The following PTGIR variants were observed in gnomAD, a reference collection of about 807,000 sequenced individuals.
PTGIR encodes prostaglandin I2 receptor.
PTGIR carries 16 observed loss-of-function variants against 17.6 expected under a neutral mutation model. That is an observed-to-expected ratio of 0.91 (90% CI 0.61 to 1.38). PTGIR has a LOEUF of 1.38. Among genes scored for constraint, PTGIR ranks in the 40% most tolerant of loss-of-function variants. PTGIR has a pLI of 0.00. For synonymous variants in PTGIR, 274 were observed against 255.4 expected (o/e 1.07, Z -0.69); for missense variants, 532 against 548.6 (o/e 0.97, Z 0.30).
In PTGIR at chr19:46,623,620, G is replaced by A. The variant is rs200567856; in HGVS notation, c.606C>T (p.Cys202=). ...AGAGGCTGAGGGTGACCGAGCCGTT[G>A]CAGAGGAAGATGGCAGCCACCAGCA... ...VALLVAAIFL[C]NGSVTLSLCR... The change falls in exon 2 of 3, where the codon TGC becomes TGT. Residue 202 remains cysteine (C), a synonymous_variant. Coordinates refer to ENST00000291294, the MANE Select transcript of PTGIR (RefSeq NM_000960.4). 1.3e-6 allele frequency: 2 copies of A among 1,549,794 alleles called. No individual in the cohort carries two copies. The highest frequency in any genetic ancestry group is 2.4e-5 in the East Asian group (1 of 41,168).
chr19:46,618,235 C>T (rs1971991581), downstream of PTGIR, among the ~76,000 whole-genome samples: 1 of 152,132 alleles, frequency 6.6e-6, no homozygotes, highest in South Asian at 2.1e-4. Flanking sequence ...AGGATGGTCT[C>T]TATCTCCTGA....
intron 1 of PTGIR, 41 bp from the exon 2 acceptor site, chr19:46,624,278 C>G (rs2052776308): frequency 7.1e-7 from 1 of 1,409,230 alleles, no homozygotes; most frequent in Non-Finnish European, 9.2e-7. Flanking sequence ...GGAGCCAGGG[C>G]TACCCCCACC....
intron 2 of PTGIR, chr19:46,623,095 G>C (rs11667255): frequency 0.41 from 66,582 of 164,150 alleles, 13,766 homozygotes; most frequent in Middle Eastern, 0.51. Context: ...GATTCTCCTG[G>C]CTCAGCCTCC....
Position 46,621,873 on chromosome 19 carries a change from G to C in PTGIR, c.769-201C>G. The C allele has an allele frequency of 7.3e-7, 1 of 1,362,660 alleles. No individual in the cohort carries two copies. Among genetic ancestry groups the C allele is most frequent in the African/African-American group, 1.5e-5 (1 of 68,254 alleles). The allele number at this position is 1,362,660 out of a possible 1,614,324, so 84.4% of individuals were successfully genotyped here. A position where few individuals can be genotyped will look rare whatever the true frequency, so the allele number is the denominator to read the frequency against. ...CAGGAAATTGCCAGAGATGCCTAAGGGGAGAGGGATGGGGGCCAGGTATGT... is the reference window on the plus strand; with the variant it reads ...CAGGAAATTGCCAGAGATGCCTAAGCGGAGAGGGATGGGGGCCAGGTATGT... On this transcript the variant is annotated intron_variant, in intron 2 of 2. Transcript: ENST00000291294. This position sits in a 1 kb window ranked among gnomAD's most constrained non-coding sequence, Gnocchi z 4.8.
At position 46,623,831 on chromosome 19, in the gene PTGIR, C is replaced by T. The variant is rs2052764268; in HGVS notation, c.395G>A (p.Gly132Glu). 6.2e-7 allele frequency: 1 copy of T among 1,607,420 alleles called. No individual in the cohort carries two copies. Among genetic ancestry groups the T allele is most frequent in the African/African-American group, 1.3e-5 (1 of 74,858 alleles). Residue 132 changes from glycine to glutamate, a missense_variant, in exon 2 of 3, where the codon GGG becomes GAG. Physicochemically the swap from Gly to Glu is moderately conservative, Grantham distance 98. Coordinates refer to ENST00000291294, the MANE Select transcript of PTGIR (RefSeq NM_000960.4). ...CAGCGCCAGGCGGGCGCAGCGGGGC[C>T]CGTCCAGCTGCGCGTAGAGGTAGGG... Reference protein sequence around the residue: ...SHPYLYAQLDGPRCARLALPA... With the variant: ...SHPYLYAQLDEPRCARLALPA...
the PTGIR span, among the ~76,000 whole-genome samples, chr19:46,613,797 C>G: frequency 6.6e-6 from 1 of 152,154 alleles, no homozygotes; most frequent in African/African-American, 2.4e-5. Context: ...GGTGAAGCCT[C>G]TTGCACCACA....
chr19:46,615,224 T>C, the PTGIR span, among the ~76,000 whole-genome samples: 1 of 152,192 alleles, frequency 6.6e-6, no homozygotes, highest in Non-Finnish European at 1.5e-5. Context: ...ATATACAACT[T>C]TTAAAACAAT....
downstream of PTGIR, among the ~76,000 whole-genome samples, chr19:46,619,592 A>AAAG (rs1568675739): frequency 6.2e-5 from 7 of 112,492 alleles, no homozygotes; most frequent in East Asian, 1.2e-3. Flanking sequence ...AGAAAGAAAG[A>AAAG]AAAGAAAGAA....
chr19:46,619,132 C>T (rs145503815), downstream of PTGIR, among the ~76,000 whole-genome samples: 20 of 152,236 alleles, frequency 1.3e-4, no homozygotes, highest in East Asian at 3.9e-4. Context: ...TCCAAGCCCA[C>T]GCCCACTCGC....
downstream of PTGIR, among the ~76,000 whole-genome samples, chr19:46,619,870 G>T (rs544003710): frequency 6.6e-5 from 10 of 152,106 alleles, no homozygotes; most frequent in Non-Finnish European, 1.2e-4. Flanking sequence ...GGGGCTGGGT[G>T]GGGGGAGTTC....
the PTGIR span, among the ~76,000 whole-genome samples, chr19:46,615,019 G>A: frequency 6.6e-6 from 1 of 151,796 alleles, no homozygotes; most frequent in Non-Finnish European, 1.5e-5. Context: ...GACCCTGTCT[G>A]CCCCACCCCC....
At chr19:46,619,662 G>GAAAGAAAGAAAGA (rs1972030668), downstream of PTGIR, among the ~76,000 whole-genome samples, 1 of 128,544 alleles carries the variant, frequency 7.8e-6, no homozygotes, top group Admixed American at 7.4e-5. Flanking sequence ...AGAAAAGAAA[G>GAAAGAAAGAAAGA]AAAGAAAGAA....
Position 46,621,612 on chromosome 19 carries a change from CAAG to C in PTGIR, c.826_828del (p.Leu276del), listed in dbSNP as rs1360745099. On this transcript the variant is annotated inframe_deletion, in exon 3 of 3. Transcript: ENST00000291294. This position sits in a 1 kb window ranked among gnomAD's most constrained non-coding sequence, Gnocchi z 4.8. ...GGGTTGAAGGCGTAGAAGCGGAAGG[CAAG>C]GAGGTCCCCCATCTCACTGCTGCTG... is the stretch of plus-strand genomic sequence containing the variant. The C allele has an allele frequency of 2.4e-5, 39 of 1,613,608 alleles. No homozygotes were observed. The highest frequency in any genetic ancestry group is 3.1e-5 in the Non-Finnish European group (37 of 1,180,030).
downstream of PTGIR, among the ~76,000 whole-genome samples, chr19:46,618,853 G>A (rs969047914): frequency 4.6e-5 from 7 of 152,140 alleles, no homozygotes; most frequent in South Asian, 2.1e-4. Context: ...GATTTGAAAC[G>A]TGGTTACCTG....
downstream of PTGIR, among the ~76,000 whole-genome samples, chr19:46,616,326 C>CTTTTTTGTTTTTTTTTTTTTTT (rs1971962063): frequency 1.5e-5 from 1 of 66,574 alleles, no homozygotes; most frequent in Non-Finnish European, 2.7e-5. Context: ...GACAGAAATG[C>CTTTTTTGTTTTTTTTTTTTTTT]TTTTTTTTTT....
the PTGIR span, among the ~76,000 whole-genome samples, chr19:46,614,962 G>C: frequency 6.6e-6 from 1 of 152,124 alleles, no homozygotes; most frequent in South Asian, 2.1e-4. Context: ...GCAGAGGTTG[G>C]AGCGAGCTGA....
chr19:46,614,409 C>T, the PTGIR span: 4 of 985,398 alleles, frequency 4.1e-6, no homozygotes, highest in South Asian at 4.7e-5. Flanking sequence ...GTGGGTCAGG[C>T]CGGGTGCTAG....
downstream of PTGIR, chr19:46,620,347 C>T: frequency 1.2e-6 from 1 of 835,264 alleles, no homozygotes; most frequent in Non-Finnish European, 1.4e-6. Context: ...AGGGATCCTC[C>T]CACCTGAACC....
At chr19:46,613,397 C>T in the PTGIR span, among the ~76,000 whole-genome samples, 3 of 122,010 alleles carry the variant, frequency 2.5e-5, no homozygotes, top group Non-Finnish European at 3.3e-5. Flanking sequence ...AATGCAGTGG[C>T]GCCATCTCGG....
Sources: gnomAD v4.1 joint callset for allele counts (sites outside exome capture counted in the v4.1 genomes callset) on GRCh38, gnomAD v4.1.1 for gene constraint, Gnocchi (gnomAD v3.1) non-coding constraint, MANE v1.5 for transcripts, NCBI Gene and HGNC (gene_info 2026-07-23, HGNC 2026-07-21) for gene names.